Variants in CNBD1 observed in about 807,000 individuals in gnomAD.
CNBD1 encodes the protein cyclic nucleotide-binding domain-containing protein 1.
A neutral mutation model predicts 54.4 loss-of-function variants in CNBD1; 71 were observed. The observed-to-expected ratio is 1.30, with a 90% CI of 1.08 to 1.59. CNBD1 has a LOEUF of 1.59. Among genes scored for constraint, CNBD1 ranks in the 40% most tolerant of loss-of-function variants. The probability of loss-of-function intolerance (pLI) is 0.00; values close to 1 mark genes in which losing one functional copy is unlikely to be tolerated. For missense variants in CNBD1, 659 were observed against 518.0 expected, an observed-to-expected ratio of 1.27 and a Z score of -2.64; for synonymous variants, 182 against 170.7, an observed-to-expected ratio of 1.07 and a Z score of -0.51.
rs192393073 is a variant in CNBD1 at position 87,317,679 on chromosome 8, G to A, written c.1042+31008G>A. Among the ~76,000 whole-genome samples, 559 of 151,908 alleles carry A rather than the reference G, an allele frequency of 3.7e-3. 2 individuals are homozygous for A. Among genetic ancestry groups the A allele is most frequent in the African/African-American group, 0.013 (521 of 41,472 alleles). ...TATGGCTCAGAATAGGGTCTGTGTC[G>A]ATAAGTGTTCCATTACACTTTTAAA... On this transcript the variant is annotated intron_variant, in intron 8 of 10. Coordinates refer to ENST00000518476, the MANE Select transcript of CNBD1 (RefSeq NM_173538.3).
chr8:87,409,014 T>C (rs1807696617), intron 2 of CNBD1, among the ~76,000 whole-genome samples: 2 of 152,122 alleles, frequency 1.3e-5, no homozygotes, highest in South Asian at 2.1e-4. Flanking sequence ...TACAGTGGCC[T>C]CTTAAGTTTT....
intron 4 of CNBD1, among the ~76,000 whole-genome samples, chr8:86,960,999 C>T (rs1807914986): frequency 6.6e-6 from 1 of 152,168 alleles, no homozygotes; most frequent in African/African-American, 2.4e-5. Flanking sequence ...AAGCCTTTCA[C>T]CAACCTAGTT....
At chr8:87,294,273 C>G (rs1484609827) in intron 8 of CNBD1, among the ~76,000 whole-genome samples, 2 of 152,130 alleles carry the variant, frequency 1.3e-5, no homozygotes, top group Non-Finnish European at 2.9e-5. Context: ...TAGAATAGAT[C>G]TTTTCAAATA....
chr8:86,917,815 G>T (rs550616551), intron 3 of CNBD1, among the ~76,000 whole-genome samples: 5 of 151,912 alleles, frequency 3.3e-5, no homozygotes, highest in Admixed American at 2.6e-4. Flanking sequence ...CCCAAACCAA[G>T]TCCAGAAAAA....
intron 3 of CNBD1, among the ~76,000 whole-genome samples, chr8:86,926,633 C>G (rs1414297965): frequency 6.6e-6 from 1 of 151,898 alleles, no homozygotes; most frequent in African/African-American, 2.4e-5. Flanking sequence ...CATACTATCC[C>G]TGACTGGTTG....
intron 4 of CNBD1, among the ~76,000 whole-genome samples, chr8:86,949,806 A>C (rs575951623): frequency 1.3e-5 from 2 of 152,000 alleles, no homozygotes; most frequent in Non-Finnish European, 2.9e-5. Flanking sequence ...TCTTAGAGAA[A>C]AAGCTTCACT....
chr8:87,340,052 G>A (rs774012356), intron 8 of CNBD1, among the ~76,000 whole-genome samples: 4 of 152,118 alleles, frequency 2.6e-5, no homozygotes, highest in Non-Finnish European at 5.9e-5. Flanking sequence ...ACTCCCTTTA[G>A]CATGTTTTGC....
At chr8:87,422,656 A>G (rs1472564191) in intron 2 of CNBD1, among the ~76,000 whole-genome samples, 1 of 152,160 alleles carries the variant, frequency 6.6e-6, no homozygotes, top group Non-Finnish European at 1.5e-5. Context: ...TACCAGTACC[A>G]TGCTGTTTTG....
chr8:87,342,438 A>G (rs986870460), intron 8 of CNBD1, among the ~76,000 whole-genome samples: 1 of 152,134 alleles, frequency 6.6e-6, no homozygotes, highest in Non-Finnish European at 1.5e-5. Flanking sequence ...TACATTATGA[A>G]TCAGTTATTT....
intron 10 of CNBD1, among the ~76,000 whole-genome samples, chr8:87,376,788 A>C (rs1290234353): frequency 6.6e-6 from 1 of 151,948 alleles, no homozygotes; most frequent in African/African-American, 2.4e-5. Context: ...ACTTGCACAA[A>C]TACATAGAAA....
chr8:87,031,188 C>T (rs1022386087), intron 4 of CNBD1, among the ~76,000 whole-genome samples: 4 of 151,672 alleles, frequency 2.6e-5, no homozygotes, highest in Non-Finnish European at 5.9e-5. Context: ...TATAGTCAGT[C>T]TGAAGTGTCT....
chr8:87,118,730 A>G (rs1285477093), intron 4 of CNBD1, among the ~76,000 whole-genome samples: 1 of 152,156 alleles, frequency 6.6e-6, no homozygotes, highest in Non-Finnish European at 1.5e-5. Flanking sequence ...TCCACTGGCT[A>G]ATATTGGAAA....
At chr8:87,083,581 A>ATTTTT (rs1462355290) in intron 4 of CNBD1, among the ~76,000 whole-genome samples, 2 of 129,422 alleles carry the variant, frequency 1.5e-5, no homozygotes, top group African/African-American at 5.9e-5. Context: ...AAACCAATGT[A>ATTTTT]TTTCTTTTTT....
At chr8:86,936,986 A>G (rs1194343927) in intron 3 of CNBD1, among the ~76,000 whole-genome samples, 1 of 152,184 alleles carries the variant, frequency 6.6e-6, no homozygotes, top group Admixed American at 6.5e-5. Context: ...TGAGGATAAT[A>G]TTGCCTACTC....
intron 3 of CNBD1, chr8:87,428,652 C>G (rs1475523449): frequency 2.3e-6 from 1 of 443,884 alleles, no homozygotes; most frequent in Non-Finnish European, 4.5e-6. Context: ...TGTCACTCTT[C>G]ATAGTAATTA....
intron 6 of CNBD1, among the ~76,000 whole-genome samples, chr8:87,281,419 T>A (rs1481088913): frequency 2.0e-5 from 3 of 151,048 alleles, no homozygotes; most frequent in African/African-American, 7.3e-5. Context: ...GAATTGACGC[T>A]GGCATTTAAA....
chr8:87,091,405 G>A (rs763225885), intron 4 of CNBD1, among the ~76,000 whole-genome samples: 5 of 152,142 alleles, frequency 3.3e-5, no homozygotes, highest in Admixed American at 2.0e-4. Context: ...AATATACTCA[G>A]TATGGTGAGA....
At chr8:87,024,973 A>T (rs1809602559) in intron 4 of CNBD1, among the ~76,000 whole-genome samples, 1 of 152,244 alleles carries the variant, frequency 6.6e-6, no homozygotes, top group Non-Finnish European at 1.5e-5. Flanking sequence ...TCAGACAAAG[A>T]GGCTAACATC....
At chr8:87,050,214 C>A (rs936409424) in intron 4 of CNBD1, among the ~76,000 whole-genome samples, 1 of 152,180 alleles carries the variant, frequency 6.6e-6, no homozygotes, top group Admixed American at 6.5e-5. Flanking sequence ...CAAAAATATT[C>A]TTAGCTGTTT....
Sources: gnomAD v4.1 joint callset for allele counts (sites outside exome capture counted in the v4.1 genomes callset) on GRCh38, gnomAD v4.1.1 for gene constraint, MANE v1.5 for transcripts, NCBI Gene and HGNC (gene_info 2026-07-23, HGNC 2026-07-21) for gene names.